The following PPP3CA variants were observed in gnomAD, a reference collection of about 807,000 sequenced individuals.
The protein encoded by PPP3CA is protein phosphatase 3 catalytic subunit alpha.
Under a neutral mutation model 66.5 loss-of-function variants are expected in PPP3CA, and 14 were observed. That is an observed-to-expected ratio of 0.21 (90% CI 0.14 to 0.33). The LOEUF is 0.33. Ranked by LOEUF, PPP3CA falls within the 10% of genes least tolerant of loss-of-function variation. The probability of loss-of-function intolerance (pLI) is 1.00; values close to 1 mark genes in which losing one functional copy is unlikely to be tolerated. For synonymous variants in PPP3CA, 232 were observed against 226.2 expected, an observed-to-expected ratio of 1.03 and a Z score of -0.23; for missense variants, 317 against 639.5, an observed-to-expected ratio of 0.50 and a Z score of 5.44.
At chr4:101,048,509 CAAAAAAAAAAAAAA>C (rs59988569) in intron 10 of PPP3CA, among the ~76,000 whole-genome samples, 13 of 66,350 alleles carry the variant, frequency 2.0e-4, no homozygotes, top group Non-Finnish European at 2.1e-4. Flanking sequence ...TTTCTCTCAC[CAAAAAAAAAAAAAA>C]AAAAAAAAAA....
At chr4:101,250,501 T>C (rs1362092791) in intron 1 of PPP3CA, among the ~76,000 whole-genome samples, 1 of 152,198 alleles carries the variant, frequency 6.6e-6, no homozygotes, top group South Asian at 2.1e-4. Context: ...AAGAAACAGC[T>C]ACATACAAAT....
intron 2 of PPP3CA, among the ~76,000 whole-genome samples, chr4:101,185,510 T>G (rs1040047838): frequency 6.6e-6 from 1 of 152,160 alleles, no homozygotes; most frequent in Non-Finnish European, 1.5e-5. Context: ...TGTATTCACT[T>G]TAAAAATATT....
chr4:101,095,504 T>G (rs957017249), intron 5 of PPP3CA, among the ~76,000 whole-genome samples: 5 of 152,314 alleles, frequency 3.3e-5, no homozygotes, highest in Middle Eastern at 3.4e-3. Flanking sequence ...GTATGAAAAT[T>G]GAATATAATA....
rs533940142 is a variant in PPP3CA, at chr4:101,133,828, C to T, written c.260-24750G>A. Among the ~76,000 whole-genome samples, 7 of 152,252 alleles carry T rather than the reference C, an allele frequency of 4.6e-5. No homozygotes were observed. The South Asian group carries it at 1.2e-3, about 27-fold the overall frequency. On this transcript the variant is annotated intron_variant, in intron 2 of 13. Coordinates refer to ENST00000394854, the MANE Select transcript of PPP3CA (RefSeq NM_000944.5). The stretch of plus-strand genomic sequence containing the variant: ...AAAGAACAAAGCTGGAGGCATCAAG[C>T]TACCTGACTTCAAACTATACTACAA...
At chr4:101,302,570 G>T (rs779709102) in intron 1 of PPP3CA, among the ~76,000 whole-genome samples, 1 of 152,108 alleles carries the variant, frequency 6.6e-6, no homozygotes, top group African/African-American at 2.4e-5. Flanking sequence ...CACTCTTGTT[G>T]CCCAGGCTGG....
chr4:101,204,356 G>C (rs1245070107), intron 1 of PPP3CA, among the ~76,000 whole-genome samples: 3 of 151,926 alleles, frequency 2.0e-5, no homozygotes, highest in Non-Finnish European at 2.9e-5. Flanking sequence ...ACACAAGTAG[G>C]CCGGGCTCAG....
intron 1 of PPP3CA, among the ~76,000 whole-genome samples, chr4:101,232,685 G>A (rs1726000663): frequency 1.3e-5 from 1 of 79,624 alleles, no homozygotes; most frequent in African/African-American, 4.0e-5. Flanking sequence ...GATCAGCTTT[G>A]TAGAAAAAAG....
At chr4:101,306,548 C>G (rs1453983868) in intron 1 of PPP3CA, among the ~76,000 whole-genome samples, 2 of 151,908 alleles carry the variant, frequency 1.3e-5, no homozygotes. Flanking sequence ...AAAAAGTAAA[C>G]AAATATGGGC....
chr4:101,231,977 T>A (rs186878147), intron 1 of PPP3CA, among the ~76,000 whole-genome samples: 1 of 151,836 alleles, frequency 6.6e-6, no homozygotes, highest in East Asian at 2.0e-4. Context: ...CATTCTGTGC[T>A]GAAAATATTA....
intron 10 of PPP3CA, among the ~76,000 whole-genome samples, chr4:101,043,760 AGCTAC>A (rs1727638386): frequency 6.6e-6 from 1 of 152,132 alleles, no homozygotes; most frequent in Admixed American, 6.5e-5. Flanking sequence ...CTGTATTCCC[AGCTAC>A]TCAGGAGGCT....
At chr4:101,278,329 C>T (rs1347410769) in intron 1 of PPP3CA, among the ~76,000 whole-genome samples, 2 of 152,026 alleles carry the variant, frequency 1.3e-5, no homozygotes, top group South Asian at 2.1e-4. Context: ...CAGCCCTCTG[C>T]TATTACCCCA....
chr4:101,166,349 G>A (rs560881549), intron 2 of PPP3CA, among the ~76,000 whole-genome samples: 8 of 152,112 alleles, frequency 5.3e-5, no homozygotes, highest in African/African-American at 1.4e-4. Flanking sequence ...GCAGTGCAAC[G>A]CACCGTTCCT....
chr4:101,035,830 T>A (rs2110207996), intron 11 of PPP3CA, among the ~76,000 whole-genome samples: 1 of 152,334 alleles, frequency 6.6e-6, no homozygotes, highest in South Asian at 2.1e-4. Flanking sequence ...ATCTCTGCAG[T>A]AATTTCCTCT....
intron 1 of PPP3CA, among the ~76,000 whole-genome samples, chr4:101,285,452 C>A (rs1727810236): frequency 6.6e-6 from 1 of 152,066 alleles, no homozygotes; most frequent in South Asian, 2.1e-4. Flanking sequence ...TCACTTGATA[C>A]ATGTTTTTGT....
intron 2 of PPP3CA, among the ~76,000 whole-genome samples, chr4:101,124,659 G>GAGAAAGAA (rs1722138782): frequency 2.7e-5 from 3 of 109,622 alleles, no homozygotes; most frequent in Non-Finnish European, 5.6e-5. Context: ...GAGGGAGAGA[G>GAGAAAGAA]AGACAGAAAG....
intron 1 of PPP3CA, among the ~76,000 whole-genome samples, chr4:101,259,738 T>A (rs1204522316): frequency 6.6e-6 from 1 of 152,116 alleles, no homozygotes; most frequent in Non-Finnish European, 1.5e-5. Flanking sequence ...CACACCATCC[T>A]AAAGGATGTT....
At chr4:101,120,928 T>C (rs1722006310) in intron 2 of PPP3CA, among the ~76,000 whole-genome samples, 2 of 152,222 alleles carry the variant, frequency 1.3e-5, no homozygotes, top group Non-Finnish European at 2.9e-5. Flanking sequence ...GTCTTAAGTT[T>C]CTTGTTTCTT....
intron 1 of PPP3CA, chr4:101,250,199 ATAAGT>A: frequency 4.3e-6 from 1 of 231,118 alleles, no homozygotes; most frequent in Non-Finnish European, 8.8e-6. Context: ...TGTCACTTAA[ATAAGT>A]TAAGCACCTA....
intron 2 of PPP3CA, among the ~76,000 whole-genome samples, chr4:101,128,637 G>A: frequency 6.6e-6 from 1 of 151,764 alleles, no homozygotes; most frequent in East Asian, 2.0e-4. Context: ...CCTGGGAAGT[G>A]CAAGGGGTTG....
Sources: gnomAD v4.1 joint callset for allele counts (sites outside exome capture counted in the v4.1 genomes callset) on GRCh38, gnomAD v4.1.1 for gene constraint, MANE v1.5 for transcripts, NCBI Gene and HGNC (gene_info 2026-07-23, HGNC 2026-07-21) for gene names.